ANK2: variants seen among roughly 807,000 people sequenced by gnomAD.
The protein encoded by ANK2 is ankyrin-2.
In ANK2, 83 loss-of-function variants were observed where a neutral mutation model predicts 360.5. The observed-to-expected ratio is 0.23, with a 90% CI of 0.19 to 0.28. The LOEUF is 0.28. ANK2 is among the 10% of genes least tolerant of loss of function. The probability of loss-of-function intolerance (pLI) is 1.00; values close to 1 mark genes in which losing one functional copy is unlikely to be tolerated. For missense variants in ANK2, 4,201 were observed against 4,795.7 expected (o/e 0.88, Z 3.66); for synonymous variants, 1,740 against 1,759.5 (o/e 0.99, Z 0.28).
chr4:113,253,122 T>G (rs2047364733), intron 10 of ANK2, among the ~76,000 whole-genome samples: 2 of 152,184 alleles, frequency 1.3e-5, no homozygotes, highest in South Asian at 4.1e-4. Flanking sequence ...GCCCATGTAG[T>G]CTACATTCTC....
At chr4:112,788,808 G>A in the ANK2 span, 3 of 1,165,894 alleles carry the variant, frequency 2.6e-6, no homozygotes, top group East Asian at 7.1e-5. Context: ...CACTTTCTTA[G>A]CCTCCTGCTT....
chr4:113,309,969 A>G (rs6837523), intron 23 of ANK2, among the ~76,000 whole-genome samples: 21,335 of 152,150 alleles, frequency 0.14, 1,811 homozygotes, highest in African/African-American at 0.23. Context: ...GTTGATTTGC[A>G]TGTTCTACCT....
At chr4:112,854,440 G>T (rs1337013230) in intron 1 of ANK2, among the ~76,000 whole-genome samples, 1 of 152,188 alleles carries the variant, frequency 6.6e-6, no homozygotes, top group Non-Finnish European at 1.5e-5. Context: ...GACATGCTGT[G>T]GTGATATGAT....
chr4:112,817,747 C>T (rs902825546), upstream of ANK2, among the ~76,000 whole-genome samples: 2 of 152,020 alleles, frequency 1.3e-5, no homozygotes, highest in African/African-American at 4.8e-5. Context: ...TGAAATCACT[C>T]CCACGGCATT....
intron 43 of ANK2, among the ~76,000 whole-genome samples, chr4:113,370,026 C>T (rs1564158086): frequency 6.6e-6 from 1 of 152,110 alleles, no homozygotes; most frequent in Non-Finnish European, 1.5e-5. Context: ...GACCATGAGC[C>T]CTGATCTTAT....
At chr4:113,321,345 G>A (rs2086152555) in intron 26 of ANK2, among the ~76,000 whole-genome samples, 1 of 152,210 alleles carries the variant, frequency 6.6e-6, no homozygotes, top group African/African-American at 2.4e-5. Context: ...TAAGGAAAAT[G>A]TATTATGACT....
the ANK2 span, among the ~76,000 whole-genome samples, chr4:112,743,317 TACAATA>T: frequency 2.0e-5 from 3 of 152,150 alleles, no homozygotes; most frequent in Non-Finnish European, 4.4e-5. Context: ...CTTTCAGTTC[TACAATA>T]TTGGTTTTTC....
At chr4:112,770,120 A>G in the ANK2 span, among the ~76,000 whole-genome samples, 2 of 152,222 alleles carry the variant, frequency 1.3e-5, no homozygotes, top group Non-Finnish European at 2.9e-5. Context: ...CTGGATTAGT[A>G]CAATAGCCTT....
At chr4:113,318,907 C>CCTA (rs2084441018) in intron 26 of ANK2, among the ~76,000 whole-genome samples, 1 of 152,158 alleles carries the variant, frequency 6.6e-6, no homozygotes, top group African/African-American at 2.4e-5. Flanking sequence ...TAGTGGCCTT[C>CCTA]CTACTATTCA....
intron 2 of ANK2, among the ~76,000 whole-genome samples, chr4:113,036,331 C>G (rs531106643): frequency 1.1e-4 from 17 of 151,178 alleles, no homozygotes; most frequent in Admixed American, 9.9e-4. Flanking sequence ...AGAAAATTAT[C>G]TAGGAGAAAA....
upstream of ANK2, among the ~76,000 whole-genome samples, chr4:112,813,751 G>T (rs1413987058): frequency 2.0e-5 from 3 of 152,044 alleles, no homozygotes; most frequent in South Asian, 6.2e-4. Context: ...GCCTAGGCTG[G>T]TCTCAAACTC....
intron 5 of ANK2, among the ~76,000 whole-genome samples, chr4:113,233,538 G>A (rs892004519): frequency 6.6e-6 from 1 of 152,156 alleles, no homozygotes; most frequent in African/African-American, 2.4e-5. Flanking sequence ...ACTATCTTAA[G>A]ATAATTTTTA....
At chr4:112,807,445 G>A in the ANK2 span, among the ~76,000 whole-genome samples, 59 of 152,292 alleles carry the variant, frequency 3.9e-4, no homozygotes, top group African/African-American at 1.3e-3. Flanking sequence ...ACTGAAAATG[G>A]GCAGAACAGT....
intron 1 of ANK2, among the ~76,000 whole-genome samples, chr4:112,862,885 TA>T (rs902482195): frequency 8.7e-5 from 13 of 149,110 alleles, no homozygotes; most frequent in East Asian, 2.0e-4. Flanking sequence ...CTCTCTCTCT[TA>T]AAAAAAAAAT....
At chr4:112,961,768 A>G (rs2034948700) in intron 2 of ANK2, among the ~76,000 whole-genome samples, 1 of 152,158 alleles carries the variant, frequency 6.6e-6, no homozygotes, top group Admixed American at 6.5e-5. Context: ...TAATATGACT[A>G]TAATGACCAG....
At chr4:113,311,753 G>A (rs1011192067) in intron 24 of ANK2, among the ~76,000 whole-genome samples, 32 of 152,194 alleles carry the variant, frequency 2.1e-4, no homozygotes, top group Non-Finnish European at 4.1e-4. Context: ...CTTACTGAGC[G>A]GCATCACAGA....
At chr4:112,926,102 C>A (rs2154229609) in intron 2 of ANK2, among the ~76,000 whole-genome samples, 1 of 152,242 alleles carries the variant, frequency 6.6e-6, no homozygotes, top group African/African-American at 2.4e-5. Flanking sequence ...GAATCTGATT[C>A]AGTAGGTTTT....
chr4:112,883,141 C>A (rs536826274), intron 1 of ANK2, among the ~76,000 whole-genome samples: 2 of 143,158 alleles, frequency 1.4e-5, no homozygotes, highest in African/African-American at 5.1e-5. Flanking sequence ...CTGGTTCAAG[C>A]GATTCTCCTG....
chr4:113,003,536 A>G (rs1308573186), intron 2 of ANK2, among the ~76,000 whole-genome samples: 2 of 152,226 alleles, frequency 1.3e-5, no homozygotes, highest in African/African-American at 4.8e-5. Flanking sequence ...GAATATGAAA[A>G]GAGACAAATC....
Sources: gnomAD v4.1 joint callset for allele counts (sites outside exome capture counted in the v4.1 genomes callset) on GRCh38, gnomAD v4.1.1 for gene constraint, MANE v1.5 for transcripts, NCBI Gene and HGNC (gene_info 2026-07-23, HGNC 2026-07-21) for gene names.